CELSR1: variants seen among roughly 807,000 people sequenced by gnomAD.
The protein encoded by CELSR1 is adhesion G protein-coupled receptor C1.
CELSR1 carries 110 observed loss-of-function variants against 249.1 expected under a neutral mutation model. The observed-to-expected ratio is 0.44, with a 90% CI of 0.38 to 0.52. The LOEUF (loss-of-function observed/expected upper bound fraction) is 0.52. Among genes scored for constraint, CELSR1 ranks in the 20% least tolerant of loss-of-function variants. The pLI, the probability that CELSR1 is intolerant of heterozygous loss-of-function variation, is 0.00. For synonymous variants in CELSR1, 2,113 were observed against 1,900.0 expected (o/e 1.11, Z -2.92); for missense variants, 4,109 against 4,296.4 (o/e 0.96, Z 1.22).
In CELSR1 at chr22:46,398,756, T is replaced by A; in HGVS notation, c.5413-119A>T. 1 of 714,742 alleles carries A rather than the reference T, an allele frequency of 1.4e-6. No individual in the cohort carries two copies. Among genetic ancestry groups the A allele is most frequent in the Non-Finnish European group, 2.2e-6 (1 of 445,612 alleles). 44.3% of individuals were successfully genotyped at this position (714,742 alleles called of 1,614,324 possible). On this transcript the variant is annotated intron_variant, in intron 10 of 34. Transcript: ENST00000674500. This position sits in a 1 kb window ranked among gnomAD's most constrained non-coding sequence, Gnocchi z 7.2. Reference sequence around the variant, plus strand: ...TCACTTCAACAAACTCCGCAGAGCCTGAGGACATCTGGGCCTCCAAAGAGA... The same window carrying A: ...TCACTTCAACAAACTCCGCAGAGCCAGAGGACATCTGGGCCTCCAAAGAGA...
chr22:46,453,321 A>G (rs1378743141), intron 2 of CELSR1, among the ~76,000 whole-genome samples: 1 of 152,194 alleles, frequency 6.6e-6, no homozygotes, highest in African/African-American at 2.4e-5. Flanking sequence ...CATCACGAGA[A>G]AAGGCTGCTC....
At chr22:46,421,352 A>G (rs1009805350) in intron 5 of CELSR1, among the ~76,000 whole-genome samples, 2 of 152,190 alleles carry the variant, frequency 1.3e-5, no homozygotes, top group Non-Finnish European at 2.9e-5. Context: ...GACAGTGGCT[A>G]TGATGCCAGA....
intron 1 of CELSR1, among the ~76,000 whole-genome samples, chr22:46,501,732 CT>C (rs1436194719): frequency 6.6e-6 from 1 of 152,206 alleles, no homozygotes; most frequent in African/African-American, 2.4e-5. Flanking sequence ...CCCTTCAACA[CT>C]GACATCTCAG....
chr22:46,397,866 C>T lies in CELSR1; in HGVS notation c.5527-18G>A. ...CTCACTCCCTGCATTAAGTAAACGGCACTGGGGCTACAGGAGCCCGGAAAG... is the reference window on the plus strand; with the variant it reads ...CTCACTCCCTGCATTAAGTAAACGGTACTGGGGCTACAGGAGCCCGGAAAG... On this transcript the variant is annotated intron_variant, in intron 11 of 34. Transcript: ENST00000674500. The T allele has an allele frequency of 6.6e-7, 1 of 1,518,720 alleles. No individual in the cohort carries two copies. The highest frequency in any genetic ancestry group is 8.9e-7 in the Non-Finnish European group (1 of 1,126,496). The allele number at this position is 1,518,720 out of a possible 1,614,324, so 94.1% of individuals were successfully genotyped here. A position where few individuals can be genotyped will look rare whatever the true frequency, so the allele number is the denominator to read the frequency against.
chr22:46,445,482 AAG>A lies in CELSR1; in HGVS notation c.4184-6073_4184-6072del, dbSNP rs1390085517. ...TGCACTCCAGCCTGGGTGACAGAGCAAGACTGTCTCTAAAAAAATGAATAAAA... is the reference window on the plus strand; with the variant it reads ...TGCACTCCAGCCTGGGTGACAGAGCAACTGTCTCTAAAAAAATGAATAAAA... On this transcript the variant is annotated intron_variant, in intron 2 of 34. Coordinates refer to ENST00000674500, the MANE Select transcript of CELSR1 (RefSeq NM_001378328.1). The surrounding 1 kb of genome is among the most constrained non-coding windows in gnomAD (Gnocchi z 4.4). Among the ~76,000 whole-genome samples the A allele has an allele frequency of 6.6e-6, 1 of 152,142 alleles. No individual in the cohort carries two copies. The highest frequency in any genetic ancestry group is 1.5e-5 in the Non-Finnish European group (1 of 68,038).
Position 46,434,177 on chromosome 22 carries a change from T to C in CELSR1, c.4523-696A>G, listed in dbSNP as rs1389972070. 6.6e-6 allele frequency among the ~76,000 whole-genome samples: 1 copy of C among 152,218 alleles called. No individual in the cohort carries two copies. The highest frequency in any genetic ancestry group is 1.5e-5 in the Non-Finnish European group (1 of 68,040). ...AATGTCATCTCAGGCTTTTAACAAC[T>C]CTTAAACCACGTAACACGTCCCATC... On this transcript the variant is annotated intron_variant, in intron 4 of 34. Coordinates refer to ENST00000674500, the MANE Select transcript of CELSR1 (RefSeq NM_001378328.1). The surrounding 1 kb of genome is among the most constrained non-coding windows in gnomAD (Gnocchi z 4.9).
At position 46,413,617 on chromosome 22, in the gene CELSR1, G is replaced by C. The variant is rs546712405; in HGVS notation, c.4612-1858C>G. Among the ~76,000 whole-genome samples the C allele has an allele frequency of 6.6e-5, 10 of 152,330 alleles. No individual in the cohort carries two copies. Among genetic ancestry groups the C allele is most frequent in the African/African-American group, 2.4e-4 (10 of 41,578 alleles). On this transcript the variant is annotated intron_variant, in intron 5 of 34. Transcript: ENST00000674500. This position sits in a 1 kb window ranked among gnomAD's most constrained non-coding sequence, Gnocchi z 4.7. Reference sequence around the variant, plus strand: ...AGGGAGGCTTCTACCATGACCCCTGGTATTCGAATGCATGGATCACCTTTT... The same window carrying C: ...AGGGAGGCTTCTACCATGACCCCTGCTATTCGAATGCATGGATCACCTTTT...
At position 46,389,431 on chromosome 22, in the gene CELSR1, C is replaced by T; in HGVS notation, c.6414G>A (p.Leu2138=). The part of the protein sequence containing the change: ...GARALQLVRA[L]RSATQHTGTL... ...TGCCCGTGTGCTGTGTAGCACTGCG[C>T]AGCGCCCTCACCAGCTGCAGGGCCC... The change falls in exon 18 of 35, where the codon CTG becomes CTA. Residue 2138 remains leucine, a synonymous_variant. Transcript: ENST00000674500. The T allele has an allele frequency of 6.2e-7, 1 of 1,612,888 alleles. No individual in the cohort carries two copies. Among genetic ancestry groups the T allele is most frequent in the Non-Finnish European group, 8.5e-7 (1 of 1,180,006 alleles).
At chr22:46,369,558 G>A in intron 26 of CELSR1, 134 bp downstream of exon 26, 1 of 754,066 alleles carries the variant, frequency 1.3e-6, no homozygotes, top group South Asian at 1.8e-5. Context: ...CGGCTTTGCT[G>A]ACTGTTACAA....
chr22:46,391,382 GC>G lies in CELSR1; in HGVS notation c.6149-96del. 1 of 1,130,458 alleles carries G rather than the reference GC, an allele frequency of 8.8e-7. No individual in the cohort carries two copies. 70.0% of individuals were successfully genotyped at this position (1,130,458 alleles called of 1,614,324 possible). ...GTCTGCATGCGCCTCCCTGCAGGAG[GC>G]CCTGCTCCCACCAAGAACCGAACCC... On this transcript the variant is annotated intron_variant, in intron 15 of 34. Transcript: ENST00000674500. The surrounding 1 kb of genome is among the most constrained non-coding windows in gnomAD (Gnocchi z 4.3).
chr22:46,490,148 G>A lies in CELSR1; in HGVS notation c.3545-25803C>T, dbSNP rs2080354075. Reference sequence around the variant, plus strand: ...ACATGTCGACATGGCACTTCTACCTGGAGTGCATGGGTCCTGCTCTCCTCC... The same window carrying A: ...ACATGTCGACATGGCACTTCTACCTAGAGTGCATGGGTCCTGCTCTCCTCC... On this transcript the variant is annotated intron_variant, in intron 1 of 34. Coordinates refer to ENST00000674500, the MANE Select transcript of CELSR1 (RefSeq NM_001378328.1). This position sits in a 1 kb window ranked among gnomAD's most constrained non-coding sequence, Gnocchi z 5.2. Among the ~76,000 whole-genome samples, 1 of 152,118 alleles carries A rather than the reference G, an allele frequency of 6.6e-6. No individual in the cohort carries two copies. The highest frequency in any genetic ancestry group is 6.6e-5 in the Admixed American group (1 of 15,262).
intron 18 of CELSR1, among the ~76,000 whole-genome samples, chr22:46,386,827 C>G (rs1464250223): frequency 2.0e-5 from 3 of 152,166 alleles, no homozygotes; most frequent in East Asian, 3.8e-4. Flanking sequence ...CATCTCGGCT[C>G]ACTGCAACCT....
chr22:46,376,248 C>A (rs2078916966), intron 24 of CELSR1, among the ~76,000 whole-genome samples: 1 of 152,150 alleles, frequency 6.6e-6, no homozygotes, highest in African/African-American at 2.4e-5. Flanking sequence ...AGGTAAATGG[C>A]ATTCATAGAT....
At chr22:46,367,925 C>T (rs112857390) in intron 27 of CELSR1, 70 bp from the exon 28 acceptor site, 176 of 1,519,910 alleles carry the variant, frequency 1.2e-4, no homozygotes, top group Admixed American at 7.1e-4. Flanking sequence ...CCTCTCTGCA[C>T]GTCCACCTGT....
Position 46,411,044 on chromosome 22 carries a change from C to A in CELSR1, c.4770-483G>T, listed in dbSNP as rs1412225214. On this transcript the variant is annotated intron_variant, in intron 6 of 34. Coordinates refer to ENST00000674500, the MANE Select transcript of CELSR1 (RefSeq NM_001378328.1). The surrounding 1 kb of genome is among the most constrained non-coding windows in gnomAD (Gnocchi z 4.2). ...AACAGGATGGTGTCTACTAAAAATACAAAAATTAGCTGGGCGTGGTGGTGC... is the reference window on the plus strand; with the variant it reads ...AACAGGATGGTGTCTACTAAAAATAAAAAAATTAGCTGGGCGTGGTGGTGC... 6.6e-6 allele frequency among the ~76,000 whole-genome samples: 1 copy of A among 151,992 alleles called. No individual in the cohort carries two copies. Among genetic ancestry groups the A allele is most frequent in the Non-Finnish European group, 1.5e-5 (1 of 67,986 alleles).
In CELSR1 at chr22:46,427,949, G is replaced by C. The variant is rs934413224; in HGVS notation, c.4611+5444C>G. 2.0e-5 allele frequency among the ~76,000 whole-genome samples: 3 copies of C among 152,162 alleles called. No individual in the cohort carries two copies. The highest frequency in any genetic ancestry group is 6.5e-5 in the Admixed American group (1 of 15,284). On this transcript the variant is annotated intron_variant, in intron 5 of 34. Transcript: ENST00000674500. The surrounding 1 kb of genome is among the most constrained non-coding windows in gnomAD (Gnocchi z 4.2). ...AACGGAGAAGCTCCCCCGACCCCAGGGGTGCTCCGGGGGTACATCTCCCAC... is the reference window on the plus strand; with the variant it reads ...AACGGAGAAGCTCCCCCGACCCCAGCGGTGCTCCGGGGGTACATCTCCCAC...
At position 46,380,079 on chromosome 22, in the gene CELSR1, C is replaced by T. The variant is rs983848506; in HGVS notation, c.7256+709G>A. Among the ~76,000 whole-genome samples, 2 of 152,276 alleles carry T rather than the reference C, an allele frequency of 1.3e-5. No homozygotes were observed. Among genetic ancestry groups the T allele is most frequent in the African/African-American group, 2.4e-5 (1 of 41,478 alleles). On this transcript the variant is annotated intron_variant, in intron 22 of 34. Transcript: ENST00000674500. The surrounding 1 kb of genome is among the most constrained non-coding windows in gnomAD (Gnocchi z 5.1). The stretch of plus-strand genomic sequence containing the variant: ...AAAAAGCAAAACCAAAGCACAAACA[C>T]TACTGGCTCCCAGCAGACGGGAGCC...
At position 46,533,776 on chromosome 22, in the gene CELSR1, G is replaced by A. The variant is rs373644549; in HGVS notation, c.3395C>T (p.Pro1132Leu). 4 of 1,613,646 alleles carry A rather than the reference G, an allele frequency of 2.5e-6. No homozygotes were observed. The highest frequency in any genetic ancestry group is 2.2e-5 in the South Asian group (2 of 91,088). ...GVIGCIPAHD[P>L]DVSDSLNYTF... ...GTAGTTGAGGCTGTCTGACACGTCG[G>A]GGTCATGGGCCGGGATGCAGCCGAT... Residue 1132 changes from proline to leucine, a missense_variant, in exon 1 of 35, where the codon CCC becomes CTC. Coordinates refer to ENST00000674500, the MANE Select transcript of CELSR1 (RefSeq NM_001378328.1).
chr22:46,508,156 C>T (rs2080534418), intron 1 of CELSR1, among the ~76,000 whole-genome samples: 1 of 151,992 alleles, frequency 6.6e-6, no homozygotes, highest in South Asian at 2.1e-4. Flanking sequence ...TCCCCCACGG[C>T]TCCTAGGACA....
Sources: gnomAD v4.1 joint callset for allele counts (sites outside exome capture counted in the v4.1 genomes callset) on GRCh38, gnomAD v4.1.1 for gene constraint, Gnocchi (gnomAD v3.1) non-coding constraint, MANE v1.5 for transcripts, NCBI Gene and HGNC (gene_info 2026-07-23, HGNC 2026-07-21) for gene names.